Variants in TPST1 observed in about 807,000 individuals in gnomAD.
TPST1 encodes the protein protein-tyrosine sulfotransferase 1.
Under a neutral mutation model 34.8 loss-of-function variants are expected in TPST1, and 20 were observed. The observed-to-expected ratio is 0.57, with a 90% confidence interval of 0.40 to 0.84. The LOEUF is 0.84. Among genes scored for constraint, TPST1 ranks in the 40% least tolerant of loss-of-function variants. TPST1 has a pLI of 0.00. For missense variants in TPST1, 353 were observed against 455.5 expected (o/e 0.78, Z 2.05); for synonymous variants, 152 against 159.4 (o/e 0.95, Z 0.35).
upstream of TPST1, among the ~76,000 whole-genome samples, chr7:66,204,781 C>G (rs953713565): frequency 6.6e-6 from 1 of 152,198 alleles, no homozygotes; most frequent in Non-Finnish European, 1.5e-5. Context: ...GACTATTGCA[C>G]GTCTACACTC....
chr7:66,293,067 G>A (rs1180282717), intron 3 of TPST1, among the ~76,000 whole-genome samples: 2 of 152,060 alleles, frequency 1.3e-5, no homozygotes, highest in Non-Finnish European at 2.9e-5. Flanking sequence ...TTAGCCAGGC[G>A]TGGTGGTGGG....
chr7:66,327,712 G>C (rs1370348275), intron 3 of TPST1, among the ~76,000 whole-genome samples: 1 of 141,594 alleles, frequency 7.1e-6, no homozygotes, highest in Non-Finnish European at 1.5e-5. Context: ...GACAGAGAAA[G>C]ACCCTGTCTT....
Position 66,360,245 on chromosome 7 carries a change from A to C in TPST1, c.*380A>C. The C allele has an allele frequency of 3.7e-6, 1 of 270,288 alleles. No individual in the cohort carries two copies. Among genetic ancestry groups the C allele is most frequent in the South Asian group, 4.1e-5 (1 of 24,106 alleles). 16.7% of individuals were successfully genotyped at this position (270,288 alleles called of 1,614,324 possible). ...GCAGACTTGGGCAGTCTCCTTTTGAAATAGGTTGTCTGTACATGTTCTAAT... is the reference window on the plus strand; with the variant it reads ...GCAGACTTGGGCAGTCTCCTTTTGACATAGGTTGTCTGTACATGTTCTAAT... On this transcript the variant is annotated 3_prime_UTR_variant, in exon 6 of 6. Transcript: ENST00000304842.
chr7:66,355,196 G>A (rs1792558001), intron 4 of TPST1, among the ~76,000 whole-genome samples: 1 of 151,756 alleles, frequency 6.6e-6, no homozygotes, highest in Non-Finnish European at 1.5e-5. Flanking sequence ...ATCTGGAGCC[G>A]AGTGCAGTGA....
At chr7:66,353,818 G>A (rs1792529209) in intron 4 of TPST1, among the ~76,000 whole-genome samples, 1 of 152,232 alleles carries the variant, frequency 6.6e-6, no homozygotes, top group African/African-American at 2.4e-5. Flanking sequence ...TGAAGCAACA[G>A]CACCTCAGAG....
At chr7:66,327,722 TAAA>T (rs1178857668) in intron 3 of TPST1, among the ~76,000 whole-genome samples, 1 of 109,610 alleles carries the variant, frequency 9.1e-6, no homozygotes, top group African/African-American at 3.8e-5. Flanking sequence ...GACCCTGTCT[TAAA>T]AAAAAAAAAA....
intron 4 of TPST1, among the ~76,000 whole-genome samples, chr7:66,356,449 A>G (rs1792584521): frequency 6.6e-6 from 1 of 152,198 alleles, no homozygotes; most frequent in Non-Finnish European, 1.5e-5. Context: ...CATGTGTTAG[A>G]ACTCAATCTC....
intron 1 of TPST1, among the ~76,000 whole-genome samples, chr7:66,230,941 A>G (rs1789772926): frequency 1.3e-5 from 2 of 152,138 alleles, no homozygotes; most frequent in Non-Finnish European, 2.9e-5. Context: ...AAGGTTCTCC[A>G]AGGCCCCACC....
chr7:66,303,720 G>GT (rs958125285), intron 3 of TPST1, among the ~76,000 whole-genome samples: 7 of 152,048 alleles, frequency 4.6e-5, no homozygotes, highest in Admixed American at 1.3e-4. Context: ...TGTATATGTA[G>GT]TTTTTTAAAA....
At chr7:66,209,994 C>G (rs562729152) in intron 1 of TPST1, among the ~76,000 whole-genome samples, 2 of 152,156 alleles carry the variant, frequency 1.3e-5, no homozygotes, top group Admixed American at 1.3e-4. Context: ...AAAAATTACT[C>G]TGATCTCTGG....
At chr7:66,246,773 G>A (rs1030080199) in intron 2 of TPST1, among the ~76,000 whole-genome samples, 103 of 152,312 alleles carry the variant, frequency 6.8e-4, no homozygotes, top group African/African-American at 2.3e-3. Context: ...AAGTTGGAGC[G>A]CCAGTCATTT....
upstream of TPST1, among the ~76,000 whole-genome samples, chr7:66,201,647 T>C (rs143046964): frequency 2.6e-3 from 398 of 151,618 alleles, 2 homozygotes; most frequent in African/African-American, 8.6e-3. Flanking sequence ...GCCGATATCA[T>C]GCCACTGCAC....
chr7:66,214,547 G>A (rs1446175684), intron 1 of TPST1, among the ~76,000 whole-genome samples: 1 of 151,812 alleles, frequency 6.6e-6, no homozygotes, highest in African/African-American at 2.4e-5. Context: ...CTGGTGCAGT[G>A]ACTGATGCCT....
intron 1 of TPST1, among the ~76,000 whole-genome samples, chr7:66,235,476 T>C (rs1377733659): frequency 6.6e-6 from 1 of 152,168 alleles, no homozygotes; most frequent in African/African-American, 2.4e-5. Context: ...GAATGAATGA[T>C]TAAAAGAGTA....
At chr7:66,217,875 C>T (rs772507681) in intron 1 of TPST1, among the ~76,000 whole-genome samples, 9 of 141,978 alleles carry the variant, frequency 6.3e-5, no homozygotes, top group Non-Finnish European at 9.1e-5. Flanking sequence ...TGAGCCACCG[C>T]GCCTGGCCTT....
chr7:66,303,051 C>T (rs1408624014), intron 3 of TPST1, among the ~76,000 whole-genome samples: 1 of 152,166 alleles, frequency 6.6e-6, no homozygotes, highest in Non-Finnish European at 1.5e-5. Context: ...CTTTAAAACT[C>T]AACTCACATG....
At chr7:66,215,896 C>A (rs546782544) in intron 1 of TPST1, among the ~76,000 whole-genome samples, 3 of 151,462 alleles carry the variant, frequency 2.0e-5, no homozygotes, top group Admixed American at 2.0e-4. Context: ...CCTCGGCCTC[C>A]CAAGTAGCTG....
chr7:66,309,144 C>A (rs1791481567), intron 3 of TPST1, among the ~76,000 whole-genome samples: 2 of 152,116 alleles, frequency 1.3e-5, no homozygotes, highest in African/African-American at 4.8e-5. Context: ...GGTGATCCAC[C>A]CACCTTGGCC....
chr7:66,299,583 C>A (rs1791273764), intron 3 of TPST1, among the ~76,000 whole-genome samples: 1 of 152,142 alleles, frequency 6.6e-6, no homozygotes, highest in East Asian at 1.9e-4. Context: ...CTACTGCCAT[C>A]TCCTGTGTGG....
Sources: gnomAD v4.1 joint callset for allele counts (sites outside exome capture counted in the v4.1 genomes callset) on GRCh38, gnomAD v4.1.1 for gene constraint, MANE v1.5 for transcripts, NCBI Gene and HGNC (gene_info 2026-07-23, HGNC 2026-07-21) for gene names.